Variants in FRMPD1 observed in about 807,000 individuals in gnomAD.
FRMPD1 encodes the protein FERM and PDZ domain-containing protein 1.
Under a neutral mutation model 117.8 loss-of-function variants are expected in FRMPD1, and 76 were observed. That is an observed-to-expected ratio of 0.65 (90% CI 0.54 to 0.78). The LOEUF (loss-of-function observed/expected upper bound fraction) is 0.78, where lower values mean the gene tolerates loss of function less well. Ranked by LOEUF, FRMPD1 falls within the 30% of genes least tolerant of loss-of-function variation. The pLI is 0.00. For missense variants in FRMPD1, 1,786 were observed against 1,964.5 expected, an observed-to-expected ratio of 0.91 and a Z score of 1.72; for synonymous variants, 783 against 770.4, an observed-to-expected ratio of 1.02 and a Z score of -0.27.
the FRMPD1 span, among the ~76,000 whole-genome samples, chr9:37,634,122 C>T: frequency 6.6e-6 from 1 of 152,166 alleles, no homozygotes; most frequent in Non-Finnish European, 1.5e-5. Flanking sequence ...AAACATTACC[C>T]ATAGAAATAA....
At chr9:37,711,137 C>G (rs1264228012) in intron 4 of FRMPD1, among the ~76,000 whole-genome samples, 1 of 152,072 alleles carries the variant, frequency 6.6e-6, no homozygotes, top group African/African-American at 2.4e-5. Context: ...GAGGAGCTCT[C>G]TGGGTCAGCT....
chr9:37,678,978 G>T (rs568449855), intron 1 of FRMPD1, among the ~76,000 whole-genome samples: 30 of 152,302 alleles, frequency 2.0e-4, no homozygotes, highest in African/African-American at 7.0e-4. Context: ...AGGTGCTTCT[G>T]GCATGGAGAA....
the FRMPD1 span, among the ~76,000 whole-genome samples, chr9:37,630,369 T>C: frequency 6.6e-6 from 1 of 152,080 alleles, no homozygotes; most frequent in Non-Finnish European, 1.5e-5. Flanking sequence ...TTTCGTTTCT[T>C]TTTTGCTTAT....
intron 2 of FRMPD1, among the ~76,000 whole-genome samples, chr9:37,699,476 C>A (rs531889972): frequency 4.6e-5 from 7 of 151,796 alleles, no homozygotes; most frequent in African/African-American, 7.3e-5. Flanking sequence ...TGCGCCACCA[C>A]GCCTAGCTAA....
chr9:37,692,100 A>G (rs965010107), intron 1 of FRMPD1, among the ~76,000 whole-genome samples: 5 of 152,246 alleles, frequency 3.3e-5, no homozygotes, highest in African/African-American at 1.2e-4. Context: ...TAAGCACACA[A>G]TACAGTAACT....
intron 1 of FRMPD1, among the ~76,000 whole-genome samples, chr9:37,665,538 AT>A (rs553640785): frequency 2.5e-4 from 38 of 152,094 alleles, no homozygotes; most frequent in African/African-American, 7.2e-4. Context: ...AAATAGATTG[AT>A]TTTTTTTCCC....
At chr9:37,618,634 G>C in the FRMPD1 span, among the ~76,000 whole-genome samples, 2 of 152,054 alleles carry the variant, frequency 1.3e-5, no homozygotes, top group Admixed American at 1.3e-4. Context: ...AACCTTTCCA[G>C]GTTTTTTTCT....
At chr9:37,721,253 C>T (rs1042945320) in intron 6 of FRMPD1, among the ~76,000 whole-genome samples, 6 of 152,204 alleles carry the variant, frequency 3.9e-5, no homozygotes, top group Non-Finnish European at 7.3e-5. Context: ...GATAGCAAAA[C>T]AAGTAAGAGT....
the FRMPD1 span, among the ~76,000 whole-genome samples, chr9:37,626,638 A>AAAAAAAAAAAAAAAAAAAAAAAAAAAC: frequency 6.9e-6 from 1 of 144,812 alleles, no homozygotes; most frequent in Non-Finnish European, 1.5e-5. Flanking sequence ...AAAAAAAAAA[A>AAAAAAAAAAAAAAAAAAAAAAAAAAAC]AAAAGCTGGA....
At chr9:37,622,844 C>G in the FRMPD1 span, among the ~76,000 whole-genome samples, 1 of 152,078 alleles carries the variant, frequency 6.6e-6, no homozygotes, top group South Asian at 2.1e-4. Context: ...TATTTCAAAG[C>G]TGCACGCAGC....
chr9:37,692,551 C>A (rs1470950233), intron 1 of FRMPD1, 87 bp from the exon 2 acceptor site: 17 of 871,202 alleles, frequency 2.0e-5, no homozygotes, highest in Non-Finnish European at 3.3e-5. Context: ...TTATAATGGG[C>A]AAATAAAGGA....
At chr9:37,666,226 TGC>T (rs1320699380) in intron 1 of FRMPD1, among the ~76,000 whole-genome samples, 1 of 152,162 alleles carries the variant, frequency 6.6e-6, no homozygotes, top group African/African-American at 2.4e-5. Context: ...ACAGTTGTTC[TGC>T]GTTACTCAGA....
intron 7 of FRMPD1, among the ~76,000 whole-genome samples, chr9:37,724,912 T>C (rs1823556262): frequency 6.6e-6 from 1 of 151,882 alleles, no homozygotes; most frequent in Non-Finnish European, 1.5e-5. Flanking sequence ...AGGGGAAGAG[T>C]ACCATCTCTT....
chr9:37,605,431 G>A, the FRMPD1 span, among the ~76,000 whole-genome samples: 1,099 of 152,302 alleles, frequency 7.2e-3, 7 homozygotes, highest in African/African-American at 0.025. Flanking sequence ...CAGAGCTGAC[G>A]GAGATGAGAA....
chr9:37,655,852 C>T (rs1421041019), intron 1 of FRMPD1, among the ~76,000 whole-genome samples: 1 of 152,086 alleles, frequency 6.6e-6, no homozygotes, highest in East Asian at 1.9e-4. Context: ...TTTGCTCCCC[C>T]GTCTAGCCCC....
At chr9:37,686,772 C>A (rs1265446940) in intron 1 of FRMPD1, among the ~76,000 whole-genome samples, 1 of 152,184 alleles carries the variant, frequency 6.6e-6, no homozygotes, top group African/African-American at 2.4e-5. Context: ...CTTCAAAAGG[C>A]GTGGAAAGGC....
At chr9:37,683,752 T>C (rs546974978) in intron 1 of FRMPD1, among the ~76,000 whole-genome samples, 1 of 146,296 alleles carries the variant, frequency 6.8e-6, no homozygotes, top group Admixed American at 6.8e-5. Context: ...GAGTGTTGTG[T>C]GAGGGAGATG....
chr9:37,676,204 T>C (rs1298701908), intron 1 of FRMPD1, among the ~76,000 whole-genome samples: 1 of 146,104 alleles, frequency 6.8e-6, no homozygotes, highest in Non-Finnish European at 1.5e-5. Flanking sequence ...GTTACATGGT[T>C]TCTGGTTCTC....
intron 2 of FRMPD1, among the ~76,000 whole-genome samples, chr9:37,694,299 A>G (rs1201862472): frequency 6.6e-6 from 1 of 152,188 alleles, no homozygotes; most frequent in Non-Finnish European, 1.5e-5. Flanking sequence ...CACATTATGC[A>G]TGTAATACAG....
Sources: allele counts gnomAD v4.1 joint callset (sites outside exome capture counted in the v4.1 genomes callset), GRCh38; gene constraint gnomAD v4.1.1; transcripts MANE v1.5; gene names NCBI Gene and HGNC (gene_info 2026-07-23, HGNC 2026-07-21).